WDR72: variants seen among roughly 807,000 people sequenced by gnomAD.
WDR72 encodes the protein WD repeat-containing protein 72.
WDR72 carries 120 observed loss-of-function variants against 124.2 expected under a neutral mutation model. The ratio of observed to expected loss-of-function variants is 0.97; its 90% CI spans 0.83 to 1.12. The LOEUF is 1.12. Among genes scored for constraint, WDR72 ranks in the 50% most tolerant of loss-of-function variants. The pLI is 0.00. For synonymous variants in WDR72, 452 were observed against 441.7 expected, an observed-to-expected ratio of 1.02 and a Z score of -0.29; for missense variants, 1,387 against 1,278.8, an observed-to-expected ratio of 1.08 and a Z score of -1.29.
chr15:53,743,719 G>C (rs989230287), intron 1 of WDR72, among the ~76,000 whole-genome samples: 2 of 152,186 alleles, frequency 1.3e-5, no homozygotes, highest in Admixed American at 1.3e-4. Flanking sequence ...GCTCACGCCT[G>C]TAATCCCAGC....
At chr15:53,728,357 T>C (rs689839) in intron 2 of WDR72, among the ~76,000 whole-genome samples, 9,415 of 152,224 alleles carry the variant, frequency 0.062, 997 homozygotes, top group African/African-American at 0.22. Flanking sequence ...CATGTGGGAA[T>C]TGTGGGAGAT....
chr15:53,579,596 G>T (rs1469592415), intron 18 of WDR72, among the ~76,000 whole-genome samples: 1 of 152,064 alleles, frequency 6.6e-6, no homozygotes, highest in Non-Finnish European at 1.5e-5. Flanking sequence ...CTATTGAAAA[G>T]AGTCAGGTGT....
intron 1 of WDR72, among the ~76,000 whole-genome samples, chr15:53,752,653 C>A (rs899431094): frequency 2.6e-5 from 4 of 152,124 alleles, no homozygotes; most frequent in Non-Finnish European, 5.9e-5. Context: ...TGTAAGTCAC[C>A]CAGTGGGTGG....
intron 17 of WDR72, among the ~76,000 whole-genome samples, chr15:53,609,041 T>G (rs1235373486): frequency 6.6e-6 from 1 of 152,108 alleles, no homozygotes; most frequent in Non-Finnish European, 1.5e-5. Flanking sequence ...ATGCTTGAGG[T>G]TATGGATACC....
intron 13 of WDR72, among the ~76,000 whole-genome samples, chr15:53,678,330 A>G (rs2016251417): frequency 6.6e-6 from 1 of 152,212 alleles, no homozygotes; most frequent in Non-Finnish European, 1.5e-5. Context: ...ACCCAACTTC[A>G]TCACTAGACA....
chr15:53,647,264 A>C (rs2015076496), intron 14 of WDR72, among the ~76,000 whole-genome samples: 1 of 152,098 alleles, frequency 6.6e-6, no homozygotes, highest in Non-Finnish European at 1.5e-5. Flanking sequence ...TCCATTCATA[A>C]ATTTTTAAAA....
chr15:53,692,837 A>G (rs1157915175), intron 13 of WDR72, among the ~76,000 whole-genome samples: 1 of 152,210 alleles, frequency 6.6e-6, no homozygotes, highest in East Asian at 1.9e-4. Context: ...TAACATCAGT[A>G]ATTATTATAA....
chr15:53,762,333 G>A (rs190868634), upstream of WDR72, among the ~76,000 whole-genome samples: 5 of 152,252 alleles, frequency 3.3e-5, no homozygotes, highest in East Asian at 1.9e-4. Context: ...CCCTCCTGCA[G>A]GTTAGATGTG....
intron 18 of WDR72, among the ~76,000 whole-genome samples, chr15:53,591,958 T>C (rs1463253552): frequency 1.3e-5 from 2 of 152,026 alleles, no homozygotes; most frequent in African/African-American, 4.8e-5. Context: ...ATGCCTTTTG[T>C]AGAGTCGATC....
chr15:53,612,541 A>G (rs1004167247), intron 16 of WDR72, among the ~76,000 whole-genome samples: 2 of 151,988 alleles, frequency 1.3e-5, no homozygotes, highest in African/African-American at 4.8e-5. Context: ...AAAGGTCCTC[A>G]GACCTGCTTG....
chr15:53,654,970 C>T (rs80025274), intron 14 of WDR72, among the ~76,000 whole-genome samples: 32,055 of 151,884 alleles, frequency 0.21, 3,821 homozygotes, highest in East Asian at 0.46. Context: ...GTGGCTCACG[C>T]CTGTAATCCC....
intron 1 of WDR72, among the ~76,000 whole-genome samples, chr15:53,739,766 G>C (rs1486983275): frequency 6.6e-6 from 1 of 152,138 alleles, no homozygotes; most frequent in African/African-American, 2.4e-5. Flanking sequence ...TTCTTGGCTT[G>C]GCTAACGTGT....
intron 18 of WDR72, among the ~76,000 whole-genome samples, chr15:53,596,484 T>G (rs1292312684): frequency 6.6e-6 from 1 of 152,166 alleles, no homozygotes; most frequent in East Asian, 1.9e-4. Context: ...AGTTTATTTT[T>G]TATATGATAC....
chr15:53,734,243 C>T (rs185462436), intron 1 of WDR72, among the ~76,000 whole-genome samples: 1 of 152,252 alleles, frequency 6.6e-6, no homozygotes, highest in Admixed American at 6.5e-5. Context: ...GTCTGGAATT[C>T]AGTATCTAGT....
At chr15:53,657,837 C>T (rs567583474) in intron 14 of WDR72, among the ~76,000 whole-genome samples, 6 of 152,268 alleles carry the variant, frequency 3.9e-5, no homozygotes, top group Admixed American at 2.0e-4. Flanking sequence ...AAAACAATAA[C>T]GCCGACCTTG....
chr15:53,564,939 T>C (rs1472187572), intron 18 of WDR72, among the ~76,000 whole-genome samples: 1 of 151,890 alleles, frequency 6.6e-6, no homozygotes, highest in East Asian at 1.9e-4. Flanking sequence ...CTCTGATATA[T>C]ACCTTTCTAA....
At chr15:53,745,735 A>G (rs556004974) in intron 1 of WDR72, among the ~76,000 whole-genome samples, 1 of 152,322 alleles carries the variant, frequency 6.6e-6, no homozygotes, top group African/African-American at 2.4e-5. Flanking sequence ...GGTCTCTGGT[A>G]TCTCTAAGCT....
At chr15:53,527,185 G>T (rs763767161) in intron 18 of WDR72, among the ~76,000 whole-genome samples, 1 of 152,030 alleles carries the variant, frequency 6.6e-6, no homozygotes, top group East Asian at 1.9e-4. Flanking sequence ...ATAGTATGAG[G>T]AAGACTCTAT....
At chr15:53,624,826 T>C (rs1296593826) in intron 14 of WDR72, among the ~76,000 whole-genome samples, 1 of 152,222 alleles carries the variant, frequency 6.6e-6, no homozygotes, top group Admixed American at 6.5e-5. Flanking sequence ...GCTAAAAGTC[T>C]TATTAACAAA....
Sources: allele counts gnomAD v4.1 joint callset (sites outside exome capture counted in the v4.1 genomes callset), GRCh38; gene constraint gnomAD v4.1.1; transcripts MANE v1.5; gene names NCBI Gene and HGNC (gene_info 2026-07-23, HGNC 2026-07-21).